TMEM18: variants seen among roughly 807,000 people sequenced by gnomAD.
TMEM18 encodes transmembrane protein 18.
A neutral mutation model predicts 17.4 loss-of-function variants in TMEM18; 14 were observed. That is an observed-to-expected ratio of 0.80 (90% CI 0.53 to 1.25). The LOEUF is 1.25. TMEM18 is among the 50% of genes most tolerant of loss of function. The probability of loss-of-function intolerance (pLI) is 0.00; values close to 1 mark genes in which losing one functional copy is unlikely to be tolerated. For missense variants in TMEM18, 187 were observed against 172.1 expected (o/e 1.09, Z -0.48); for synonymous variants, 86 against 66.1 (o/e 1.30, Z -1.46).
rs1435409770 is a variant in TMEM18, at chr2:675,602, A to G, written c.86T>C (p.Met29Thr). The G allele has an allele frequency of 2.5e-6, 4 of 1,614,078 alleles. No individual in the cohort carries two copies. The highest frequency in any genetic ancestry group is 1.6e-4 in the Middle Eastern group (1 of 6,084). Residue 29 changes from methionine (M) to threonine (T), a missense_variant, in exon 2 of 5, where the codon ATG (methionine) becomes ACG (threonine). Coordinates refer to ENST00000281017, the MANE Select transcript of TMEM18 (RefSeq NM_152834.4). ...TQTDWTEPWL[M>T]GLATFHALCV... ...GAGCGCGTGGAAGGTGGCCAGCCCC[A>G]TGAGCCAGGGCTCAGTCCAGTCCGT...
At position 664,724 on chromosome 2, in the gene TMEM18, T is replaced by A. The variant is rs1238245078; in HGVS notation, c.*4856A>T. On this transcript the variant is annotated 3_prime_UTR_variant, in exon 5 of 5. Coordinates refer to ENST00000281017, the MANE Select transcript of TMEM18 (RefSeq NM_152834.4). ...ACATTTACCAACTGTCACATAAAAG[T>A]TATATATGTTGACTAAATTTCACTT... is the stretch of plus-strand genomic sequence containing the variant. Among the ~76,000 whole-genome samples the A allele has an allele frequency of 6.6e-6, 1 of 152,240 alleles. No individual in the cohort carries two copies. The highest frequency in any genetic ancestry group is 1.5e-5 in the Non-Finnish European group (1 of 68,042).
rs1318987965 is a variant in TMEM18, at chr2:666,945, G to A, written c.*2635C>T. 2.6e-5 allele frequency among the ~76,000 whole-genome samples: 4 copies of A among 151,434 alleles called. No homozygotes were observed. The highest frequency in any genetic ancestry group is 6.6e-5 in the Admixed American group (1 of 15,212). On this transcript the variant is annotated 3_prime_UTR_variant, in exon 5 of 5. Coordinates refer to ENST00000281017, the MANE Select transcript of TMEM18 (RefSeq NM_152834.4). ...CGGTATATCTCTGACGGCAATTCTC[G>A]TCTGTCTTTAAGCATCCCACTCAAC...
At position 668,020 on chromosome 2, in the gene TMEM18, G is replaced by T. The variant is rs1341079766; in HGVS notation, c.*1560C>A. On this transcript the variant is annotated 3_prime_UTR_variant, in exon 5 of 5. Coordinates refer to ENST00000281017, the MANE Select transcript of TMEM18 (RefSeq NM_152834.4). Reference sequence around the variant, plus strand: ...AATTGACTCAGTTCCACATGGCCGGGGAGGCCTCGGGAAACTTACAATCAT... The same window carrying T: ...AATTGACTCAGTTCCACATGGCCGGTGAGGCCTCGGGAAACTTACAATCAT... 6.6e-6 allele frequency: 1 copy of T among 152,192 alleles called. No individual in the cohort carries two copies. Among genetic ancestry groups the T allele is most frequent in the African/African-American group, 2.4e-5 (1 of 41,428 alleles). 9.4% of individuals were successfully genotyped at this position (152,192 alleles called of 1,614,324 possible). A position where few individuals can be genotyped will look rare whatever the true frequency, so the allele number is the denominator to read the frequency against.
chr2:667,658 T>C lies in TMEM18; in HGVS notation c.*1922A>G, dbSNP rs1418141568. On this transcript the variant is annotated 3_prime_UTR_variant, in exon 5 of 5. Transcript: ENST00000281017. ...AACATATCAAGACAATTGTTAACAA[T>C]GCACTTTAAGGCATTGAATATAAAC... 6.6e-6 allele frequency: 1 copy of C among 152,248 alleles called. No individual in the cohort carries two copies. Among genetic ancestry groups the C allele is most frequent in the East Asian group, 1.9e-4 (1 of 5,198 alleles). 9.4% of individuals were successfully genotyped at this position (152,248 alleles called of 1,614,324 possible).
At position 667,753 on chromosome 2, in the gene TMEM18, GAC is replaced by G. The variant is rs1243205609; in HGVS notation, c.*1825_*1826del. On this transcript the variant is annotated 3_prime_UTR_variant, in exon 5 of 5. Transcript: ENST00000281017. ...CAAAATATAACTGTTCCAAAACACA[GAC>G]ACACACATGCAGAATGAAAATCAAA... The G allele has an allele frequency of 6.6e-6, 1 of 152,182 alleles. No homozygotes were observed. Among genetic ancestry groups the G allele is most frequent in the Non-Finnish European group, 1.5e-5 (1 of 68,034 alleles). The allele number at this position is 152,182 out of a possible 1,614,324, so 9.4% of individuals were successfully genotyped here.
chr2:670,616 C>G (rs1054526333), intron 3 of TMEM18: 1 of 152,458 alleles, frequency 6.6e-6, no homozygotes, highest in African/African-American at 2.4e-5. Context: ...TCCCGCCTTG[C>G]TGGCGCTTAC....
chr2:672,190 C>T (rs1025747678), intron 3 of TMEM18, among the ~76,000 whole-genome samples: 4 of 152,146 alleles, frequency 2.6e-5, no homozygotes, highest in African/African-American at 9.7e-5. Flanking sequence ...TATTTTAAAA[C>T]GTAAAAGCCA....
At position 677,346 on chromosome 2, in the gene TMEM18, G is replaced by C. The variant is rs1659291091; in HGVS notation, c.-1C>G. ...AGCTGACAGAGAAGGCGGACGGCAT[G>C]GTGTTGGGAAGCCCGCTCTCACAGC... On this transcript the variant is annotated 5_prime_UTR_variant, in exon 1 of 5. Coordinates refer to ENST00000281017, the MANE Select transcript of TMEM18 (RefSeq NM_152834.4). 1.9e-6 allele frequency: 3 copies of C among 1,611,966 alleles called. No individual in the cohort carries two copies. The African/African-American group carries it at 4.0e-5, about 21-fold the overall frequency.
At chr2:675,956 A>G in intron 1 of TMEM18, 6 of 1,350,314 alleles carry the variant, frequency 4.4e-6, no homozygotes, top group South Asian at 1.3e-5. Flanking sequence ...TAAGGTGGGT[A>G]TAATTAAAGG....
At chr2:677,113 G>A (rs1355597548) in intron 1 of TMEM18, 176 bp downstream of exon 1, 3 of 708,470 alleles carry the variant, frequency 4.2e-6, no homozygotes, top group South Asian at 1.8e-5. Context: ...CGCCCCCGAC[G>A]CCGGCCCCGA....
At position 665,291 on chromosome 2, in the gene TMEM18, A is replaced by ACCT. The variant is rs139312970; in HGVS notation, c.*4288_*4289insAGG. ...ATGCAGACACCCCACTCACTCAGATAGAGAATCAACCCCACATAAAATAGA... is the reference window on the plus strand; with the variant it reads ...ATGCAGACACCCCACTCACTCAGATACCTGAGAATCAACCCCACATAAAATAGA... On this transcript the variant is annotated 3_prime_UTR_variant, in exon 5 of 5. Coordinates refer to ENST00000281017, the MANE Select transcript of TMEM18 (RefSeq NM_152834.4). 4.7e-5 allele frequency among the ~76,000 whole-genome samples: 7 copies of ACCT among 147,554 alleles called. No individual in the cohort carries two copies. The East Asian group carries it at 1.4e-3, about 29-fold the overall frequency.
chr2:671,938 CAG>C (rs1225845677), intron 3 of TMEM18, among the ~76,000 whole-genome samples: 1 of 152,054 alleles, frequency 6.6e-6, no homozygotes, highest in Non-Finnish European at 1.5e-5. Context: ...AGGGCAGAGA[CAG>C]TGCTGCAGGG....
rs754557128 is a variant in TMEM18 at position 672,808 on chromosome 2, C to T, written c.233G>A (p.Arg78Lys). 1 of 1,472,258 alleles carries T rather than the reference C, an allele frequency of 6.8e-7. No individual in the cohort carries two copies. Among genetic ancestry groups the T allele is most frequent in the Non-Finnish European group, 9.0e-7 (1 of 1,115,206 alleles). The allele number at this position is 1,472,258 out of a possible 1,614,324, so 91.2% of individuals were successfully genotyped here. Reference sequence around the variant, plus strand: ...GTCACAGGCCCGGGGGTGGGCTCACCTCCAGTTCATCGCAGCCGCCTCATT... The same window carrying T: ...GTCACAGGCCCGGGGGTGGGCTCACTTCCAGTTCATCGCAGCCGCCTCATT... ...YINEAAAMNW[R>K]LFSKYQYFDS... Residue 78 changes from arginine (R) to lysine (K), a missense_variant and splice_region_variant, in exon 3 of 5, where the codon AGA becomes AAA. Physicochemically the swap from Arg to Lys is conservative, Grantham distance 26 (BLOSUM62 2). Transcript: ENST00000281017.
At chr2:677,038 C>A (rs1659269649) in intron 1 of TMEM18, 2 of 337,058 alleles carry the variant, frequency 5.9e-6, no homozygotes, top group African/African-American at 2.3e-5. Context: ...CCCCGCCTAG[C>A]GCTCGCGCCC....
chr2:669,933 GGA>G, intron 3 of TMEM18, 83 bp from the exon 4 acceptor site: 1 of 1,123,866 alleles, frequency 8.9e-7, no homozygotes, highest in Non-Finnish European at 1.3e-6. Flanking sequence ...ATAAGACTTT[GGA>G]GAGAGCTGAT....
At chr2:670,227 T>C (rs1283996358) in intron 3 of TMEM18, 1 of 186,136 alleles carries the variant, frequency 5.4e-6, no homozygotes, top group Non-Finnish European at 1.1e-5. Flanking sequence ...ACAACGTCAA[T>C]AATCCCCTCC....
rs564510532 is a variant in TMEM18, at chr2:677,237, C to G, written c.57+52G>C. The stretch of plus-strand genomic sequence containing the variant: ...CGGGTGCTCTGTGGGGCCTACCCTA[C>G]GCCTCTCCGCCGTCCTCCCCCGAAC... On this transcript the variant is annotated intron_variant, in intron 1 of 4. Transcript: ENST00000281017. 31 of 1,576,224 alleles carry G rather than the reference C, an allele frequency of 2.0e-5. No homozygotes were observed. In the Admixed American group the frequency reaches 2.0e-4, roughly 10 times the overall value.
At chr2:677,196 C>G in intron 1 of TMEM18, 93 bp downstream of exon 1, 1 of 1,496,580 alleles carries the variant, frequency 6.7e-7, no homozygotes, top group Non-Finnish European at 9.0e-7. Context: ...CGGCCGGGGC[C>G]TTCTTGGCCA....
At chr2:676,590 C>A (rs1279143056) in intron 1 of TMEM18, 15 of 1,550,394 alleles carry the variant, frequency 9.7e-6, no homozygotes, top group Non-Finnish European at 1.3e-5. Flanking sequence ...ACCAGAGGCA[C>A]GGAGGTGAGG....
Sources: allele counts gnomAD v4.1 joint callset (sites outside exome capture counted in the v4.1 genomes callset), GRCh38; gene constraint gnomAD v4.1.1; transcripts MANE v1.5; gene names NCBI Gene and HGNC (gene_info 2026-07-23, HGNC 2026-07-21).